Variants in FNDC3B observed in about 807,000 individuals in gnomAD.
The protein encoded by FNDC3B is fibronectin type III domain containing 3B.
A neutral mutation model predicts 151.5 loss-of-function variants in FNDC3B; 12 were observed. The ratio of observed to expected loss-of-function variants is 0.08; its 90% CI spans 0.05 to 0.13. FNDC3B has a LOEUF of 0.13. Ranked by LOEUF, FNDC3B falls within the 10% of genes least tolerant of loss-of-function variation. The pLI is 1.00. For synonymous variants in FNDC3B, 528 were observed against 549.0 expected (o/e 0.96, Z 0.54); for missense variants, 1,214 against 1,505.3 (o/e 0.81, Z 3.20).
intron 1 of FNDC3B, among the ~76,000 whole-genome samples, chr3:172,045,498 T>C (rs1346034517): frequency 6.6e-6 from 1 of 152,208 alleles, no homozygotes; most frequent in Non-Finnish European, 1.5e-5. Flanking sequence ...CCTTGTATGT[T>C]ACCTTAGCCT....
chr3:172,242,991 AG>A (rs1333100388), intron 4 of FNDC3B, among the ~76,000 whole-genome samples: 1 of 152,138 alleles, frequency 6.6e-6, no homozygotes, highest in Non-Finnish European at 1.5e-5. Flanking sequence ...ATCTCTTTCA[AG>A]TTCAAAGTCC....
intron 4 of FNDC3B, among the ~76,000 whole-genome samples, chr3:172,237,038 A>G (rs1475994304): frequency 6.6e-6 from 1 of 152,228 alleles, no homozygotes; most frequent in Non-Finnish European, 1.5e-5. Flanking sequence ...TGTGAATAGA[A>G]GCTTGGCTTT....
chr3:172,173,666 A>C (rs1233821012), intron 3 of FNDC3B, among the ~76,000 whole-genome samples: 1 of 151,882 alleles, frequency 6.6e-6, no homozygotes, highest in Non-Finnish European at 1.5e-5. Flanking sequence ...TTAAAAATAA[A>C]AAAAATTAGC....
At chr3:172,143,310 A>G (rs4894813) in intron 3 of FNDC3B, among the ~76,000 whole-genome samples, 70,776 of 151,970 alleles carry the variant, frequency 0.47, 17,269 homozygotes, top group East Asian at 0.58. Flanking sequence ...AAAAAGTCCA[A>G]TATATGGATT....
intron 1 of FNDC3B, among the ~76,000 whole-genome samples, chr3:172,084,252 C>T (rs540131687): frequency 6.6e-5 from 10 of 151,894 alleles, no homozygotes; most frequent in Non-Finnish European, 1.3e-4. Flanking sequence ...AGTTTGAGAC[C>T]AGGCTGGACA....
chr3:172,378,863 G>A (rs1735288591), intron 24 of FNDC3B, among the ~76,000 whole-genome samples: 1 of 152,170 alleles, frequency 6.6e-6, no homozygotes, highest in African/African-American at 2.4e-5. Context: ...TTGGTGTGGA[G>A]CACTGCCTTT....
At chr3:172,318,294 G>A (rs989121415) in intron 11 of FNDC3B, among the ~76,000 whole-genome samples, 4 of 152,270 alleles carry the variant, frequency 2.6e-5, no homozygotes, top group South Asian at 2.1e-4. Flanking sequence ...GCCAGGCCAG[G>A]CAGGCCCAGC....
At chr3:172,066,033 A>C (rs1335896823) in intron 1 of FNDC3B, among the ~76,000 whole-genome samples, 1 of 152,202 alleles carries the variant, frequency 6.6e-6, no homozygotes, top group African/African-American at 2.4e-5. Flanking sequence ...GAAGGCTTGG[A>C]ATGTAGAGAT....
intron 3 of FNDC3B, among the ~76,000 whole-genome samples, chr3:172,171,766 A>C (rs1444396925): frequency 6.6e-6 from 1 of 150,446 alleles, no homozygotes; most frequent in Admixed American, 6.6e-5. Flanking sequence ...AGCTGTATAC[A>C]TTACTAATAA....
chr3:172,052,236 A>C (rs1267106552), intron 1 of FNDC3B, among the ~76,000 whole-genome samples: 1 of 117,822 alleles, frequency 8.5e-6, no homozygotes. Flanking sequence ...TGCCCAGATA[A>C]TTTTTGTGGG....
At chr3:172,224,850 CAT>C (rs1291461003) in intron 3 of FNDC3B, among the ~76,000 whole-genome samples, 1 of 152,192 alleles carries the variant, frequency 6.6e-6, no homozygotes, top group Non-Finnish European at 1.5e-5. Flanking sequence ...ACTAGAAACA[CAT>C]AGTTTTCTAT....
intron 25 of FNDC3B, among the ~76,000 whole-genome samples, chr3:172,388,678 A>C (rs1735852604): frequency 6.6e-6 from 1 of 152,196 alleles, no homozygotes; most frequent in Non-Finnish European, 1.5e-5. Flanking sequence ...GTTCCTAAGT[A>C]CTGTGGGTTG....
chr3:172,194,098 T>A (rs943480031), intron 3 of FNDC3B, among the ~76,000 whole-genome samples: 1 of 152,058 alleles, frequency 6.6e-6, no homozygotes, highest in African/African-American at 2.4e-5. Context: ...CGGGCGCCTG[T>A]AGTCCCAGCT....
chr3:172,152,461 G>C (rs1409728437), intron 3 of FNDC3B, among the ~76,000 whole-genome samples: 2 of 151,838 alleles, frequency 1.3e-5, no homozygotes, highest in Non-Finnish European at 2.9e-5. Context: ...CTTCCTGTCC[G>C]TTCTCCATCC....
At chr3:172,295,248 T>G (rs1030924389) in intron 7 of FNDC3B, 115 bp from the exon 8 acceptor site, 3 of 951,962 alleles carry the variant, frequency 3.2e-6, no homozygotes, top group South Asian at 3.4e-5. Context: ...TGTCTTTCAT[T>G]GTAATTAAAC....
chr3:172,096,147 T>C (rs1470162583), intron 1 of FNDC3B, among the ~76,000 whole-genome samples: 1 of 152,224 alleles, frequency 6.6e-6, no homozygotes, highest in East Asian at 1.9e-4. Flanking sequence ...AAAGTGCCAT[T>C]GAACCTGGTT....
intron 3 of FNDC3B, among the ~76,000 whole-genome samples, chr3:172,146,938 A>C (rs1357165245): frequency 6.6e-6 from 1 of 152,220 alleles, no homozygotes; most frequent in Non-Finnish European, 1.5e-5. Context: ...ACGAAATTCA[A>C]AGTTCACCTA....
chr3:172,279,668 T>A (rs1299876756), intron 6 of FNDC3B, among the ~76,000 whole-genome samples: 1 of 152,232 alleles, frequency 6.6e-6, no homozygotes, highest in Non-Finnish European at 1.5e-5. Context: ...AACTGCATTG[T>A]CCTTATATTA....
intron 7 of FNDC3B, among the ~76,000 whole-genome samples, chr3:172,291,707 G>A (rs1288193397): frequency 6.6e-6 from 1 of 152,122 alleles, no homozygotes; most frequent in East Asian, 1.9e-4. Context: ...TCTAGTTACG[G>A]TAGGTTAATT....
Sources: allele counts gnomAD v4.1 joint callset (sites outside exome capture counted in the v4.1 genomes callset), GRCh38; gene constraint gnomAD v4.1.1; transcripts MANE v1.5; gene names NCBI Gene and HGNC (gene_info 2026-07-23, HGNC 2026-07-21).